The following NARS2 variants were observed in gnomAD, a reference collection of about 807,000 sequenced individuals.
NARS2 encodes the protein asparaginyl-tRNA synthetase 2, mitochondrial.
In NARS2, 60 loss-of-function variants were observed where a neutral mutation model predicts 62.9. The observed-to-expected ratio is 0.95, with a 90% CI of 0.77 to 1.18. The LOEUF is 1.18. NARS2 is among the 50% of genes most tolerant of loss of function. NARS2 has a pLI of 0.00. For missense variants in NARS2, 619 were observed against 576.4 expected (o/e 1.07, Z -0.76); for synonymous variants, 196 against 200.0 (o/e 0.98, Z 0.17).
At chr11:78,518,408 A>AGT (rs1263941359) in intron 6 of NARS2, among the ~76,000 whole-genome samples, 1 of 152,232 alleles carries the variant, frequency 6.6e-6, no homozygotes, top group Non-Finnish European at 1.5e-5. Context: ...ACTACTTGCT[A>AGT]GTGATTATGA....
intron 10 of NARS2, among the ~76,000 whole-genome samples, chr11:78,467,916 G>A (rs1858690513): frequency 6.6e-6 from 1 of 151,828 alleles, no homozygotes; most frequent in African/African-American, 2.4e-5. Context: ...AGTCGATCAT[G>A]GCTCACTGCA....
At chr11:78,483,781 AG>A (rs1859456573) in intron 7 of NARS2, among the ~76,000 whole-genome samples, 1 of 152,252 alleles carries the variant, frequency 6.6e-6, no homozygotes, top group Non-Finnish European at 1.5e-5. Flanking sequence ...GCTCATGGAC[AG>A]GAAGAATCAA....
intron 11 of NARS2, among the ~76,000 whole-genome samples, chr11:78,447,583 G>C (rs1012727230): frequency 6.6e-6 from 1 of 152,044 alleles, no homozygotes; most frequent in African/African-American, 2.4e-5. Flanking sequence ...CAATAGTAAA[G>C]ATACAGAAAC....
In NARS2 at chr11:78,536,352, T is replaced by C. The variant is rs554915306; in HGVS notation, c.595-7416A>G. 3.9e-5 allele frequency among the ~76,000 whole-genome samples: 6 copies of C among 152,246 alleles called. No individual in the cohort carries two copies. The South Asian group carries it at 1.2e-3, about 32-fold the overall frequency. ...AAGCTCAGGCAAGTCTTTCAGGAGG[T>C]ATTCTAGAAGAAGGCATTGCCATCA... is the stretch of plus-strand genomic sequence containing the variant. On this transcript the variant is annotated intron_variant, in intron 5 of 13. Transcript: ENST00000281038.
chr11:78,564,063 T>A (rs887490060), intron 4 of NARS2, among the ~76,000 whole-genome samples: 2 of 150,638 alleles, frequency 1.3e-5, no homozygotes, highest in African/African-American at 4.9e-5. Context: ...CATACCCAGC[T>A]AATTTTTTTG....
intron 7 of NARS2, among the ~76,000 whole-genome samples, chr11:78,480,269 T>C (rs1340777337): frequency 1.3e-5 from 2 of 152,126 alleles, no homozygotes; most frequent in Non-Finnish European, 2.9e-5. Context: ...ACATTTTATT[T>C]ATTTATTGTT....
chr11:78,464,655 T>C (rs868179360), intron 11 of NARS2, among the ~76,000 whole-genome samples: 11 of 152,196 alleles, frequency 7.2e-5, no homozygotes, highest in Middle Eastern at 6.8e-3. Context: ...AACCTTGAGC[T>C]AGATAGAGTG....
intron 11 of NARS2, among the ~76,000 whole-genome samples, chr11:78,456,621 A>T (rs145886260): frequency 6.6e-6 from 1 of 152,320 alleles, no homozygotes; most frequent in Non-Finnish European, 1.5e-5. Flanking sequence ...CTGAATGCCC[A>T]CTAATGCTGA....
At chr11:78,439,976 G>A (rs868633082) in intron 13 of NARS2, among the ~76,000 whole-genome samples, 1 of 152,144 alleles carries the variant, frequency 6.6e-6, no homozygotes, top group Non-Finnish European at 1.5e-5. Context: ...ATAGTTCGTG[G>A]GGGCATTAGG....
rs150970480 is a variant in NARS2 at position 78,468,178 on chromosome 11, T to C, written c.1026+1069A>G. Among the ~76,000 whole-genome samples the C allele has an allele frequency of 4.0e-5, 6 of 151,450 alleles. 1 individual carries two copies. The highest frequency in any genetic ancestry group is 3.9e-4 in the Admixed American group (6 of 15,226). On this transcript the variant is annotated intron_variant, in intron 10 of 13. Coordinates refer to ENST00000281038, the MANE Select transcript of NARS2 (RefSeq NM_024678.6). ...CTCAGGCATCATAACGAGACCTCCATCTCTTAAATATAAAGTTCTTTAAAA... is the reference window on the plus strand; with the variant it reads ...CTCAGGCATCATAACGAGACCTCCACCTCTTAAATATAAAGTTCTTTAAAA...
intron 6 of NARS2, among the ~76,000 whole-genome samples, chr11:78,509,388 A>C (rs1860630160): frequency 6.6e-6 from 1 of 152,166 alleles, no homozygotes; most frequent in African/African-American, 2.4e-5. Context: ...AAGCTATATA[A>C]AGAAATAAAG....
chr11:78,563,883 C>T (rs1856649153), intron 4 of NARS2, among the ~76,000 whole-genome samples: 3 of 93,138 alleles, frequency 3.2e-5, no homozygotes, highest in African/African-American at 1.5e-4. Flanking sequence ...TACACACACA[C>T]AGTATTATTA....
chr11:78,572,548 G>C (rs1003483778), intron 1 of NARS2, among the ~76,000 whole-genome samples: 1 of 152,124 alleles, frequency 6.6e-6, no homozygotes, highest in Non-Finnish European at 1.5e-5. Context: ...CATCTTTCAG[G>C]ACTTGGCTGA....
intron 10 of NARS2, among the ~76,000 whole-genome samples, chr11:78,468,310 G>GGAAAAAAAAAAAAAAAAAAAAAAAAAAAA (rs1555015326): frequency 3.0e-5 from 2 of 67,436 alleles, no homozygotes; most frequent in Non-Finnish European, 5.9e-5. Context: ...CACTAAATCT[G>GGAAAAAAAAAAAAAAAAAAAAAAAAAAAA]AAAAAAAAAA....
At chr11:78,539,220 G>A (rs1263819257) in intron 5 of NARS2, among the ~76,000 whole-genome samples, 1 of 151,680 alleles carries the variant, frequency 6.6e-6, no homozygotes, top group African/African-American at 2.4e-5. Flanking sequence ...AGAAGTAGGG[G>A]CACCAATCAG....
intron 6 of NARS2, among the ~76,000 whole-genome samples, chr11:78,498,657 C>G (rs1860155700): frequency 7.2e-6 from 1 of 139,542 alleles, no homozygotes; most frequent in East Asian, 2.0e-4. Flanking sequence ...CTAGGCCAAT[C>G]TTCCCAATAC....
At chr11:78,443,547 C>T (rs1207067003) in intron 12 of NARS2, 114 bp downstream of exon 12, 1 of 569,854 alleles carries the variant, frequency 1.8e-6, no homozygotes. Context: ...ATCTGAGATC[C>T]AGTTCTGTCA....
intron 6 of NARS2, among the ~76,000 whole-genome samples, chr11:78,508,577 G>T: frequency 7.3e-6 from 1 of 137,788 alleles, no homozygotes; most frequent in African/African-American, 2.8e-5. Flanking sequence ...GACAGAGGGT[G>T]ACTCCATCTC....
chr11:78,459,241 T>C (rs1858293875), intron 11 of NARS2, among the ~76,000 whole-genome samples: 1 of 148,474 alleles, frequency 6.7e-6, no homozygotes, highest in African/African-American at 2.5e-5. Flanking sequence ...GTGGTTTTTT[T>C]TGTCGTTGTT....
Sources: allele counts gnomAD v4.1 joint callset (sites outside exome capture counted in the v4.1 genomes callset), GRCh38; gene constraint gnomAD v4.1.1; transcripts MANE v1.5; gene names NCBI Gene and HGNC (gene_info 2026-07-23, HGNC 2026-07-21).